The following HECW1 variants were observed in gnomAD, a reference collection of about 807,000 sequenced individuals.
The protein encoded by HECW1 is E3 ubiquitin-protein ligase HECW1.
A neutral mutation model predicts 182.3 loss-of-function variants in HECW1; 61 were observed. That is an observed-to-expected ratio of 0.33 (90% CI 0.27 to 0.41). HECW1 has a LOEUF of 0.41. HECW1 is among the 10% of genes least tolerant of loss of function. The pLI, the probability that HECW1 is intolerant of heterozygous loss-of-function variation, is 1.00. For synonymous variants in HECW1, 859 were observed against 832.6 expected, an observed-to-expected ratio of 1.03 and a Z score of -0.55; for missense variants, 1,739 against 2,108.9, an observed-to-expected ratio of 0.82 and a Z score of 3.44.
intron 4 of HECW1, among the ~76,000 whole-genome samples, chr7:43,313,301 A>G (rs1308840896): frequency 1.3e-5 from 2 of 151,900 alleles, no homozygotes; most frequent in Non-Finnish European, 2.9e-5. Context: ...GATACTATAG[A>G]TTAAGAACAG....
intron 24 of HECW1, among the ~76,000 whole-genome samples, chr7:43,520,342 C>T (rs2080400904): frequency 1.3e-5 from 2 of 152,148 alleles, no homozygotes; most frequent in South Asian, 2.1e-4. Flanking sequence ...AGTCTGGACT[C>T]CTCGGATTCT....
chr7:43,444,297 C>T lies in HECW1; in HGVS notation c.1125C>T (p.Ser375=), dbSNP rs897899632. The T allele has an allele frequency of 7.4e-6, 12 of 1,614,044 alleles. No homozygotes were observed. The highest frequency in any genetic ancestry group is 1.0e-5 in the Non-Finnish European group (12 of 1,180,034). ...QDSPMNNLME[S]GSGEPRSEAP... is the part of the protein sequence containing the mutation. ...GCCCCATGAACAACCTGATGGAAAG[C>T]GGCAGTGGGGAACCTCGGTCTGAGG... Residue 375 remains serine, a synonymous_variant, in exon 11 of 30, where the codon AGC becomes AGT. Transcript: ENST00000395891. This position sits in a 1 kb window ranked among gnomAD's most constrained non-coding sequence, Gnocchi z 4.3.
intron 27 of HECW1, among the ~76,000 whole-genome samples, chr7:43,550,799 G>C (rs1291789237): frequency 6.6e-6 from 1 of 152,188 alleles, no homozygotes; most frequent in Non-Finnish European, 1.5e-5. Context: ...AGAGTTCTCT[G>C]GGAAACTCAA....
chr7:43,460,763 T>A (rs998507227), intron 13 of HECW1, among the ~76,000 whole-genome samples: 1 of 152,222 alleles, frequency 6.6e-6, no homozygotes, highest in African/African-American at 2.4e-5. Flanking sequence ...GCTGCAGTCC[T>A]GCCCTGAAAG....
intron 2 of HECW1, among the ~76,000 whole-genome samples, chr7:43,122,956 T>C (rs1026058782): frequency 1.2e-4 from 18 of 152,234 alleles, no homozygotes; most frequent in African/African-American, 4.1e-4. Context: ...GTGAAAAGCA[T>C]TTCGGTTCTT....
At chr7:43,509,304 A>T (rs1215346620) in intron 24 of HECW1, 183 bp downstream of exon 24, 2 of 530,004 alleles carry the variant, frequency 3.8e-6, no homozygotes, top group Non-Finnish European at 3.2e-6. Flanking sequence ...CACAAGATGG[A>T]TTTACCAAGG....
chr7:43,219,442 C>T (rs1796756515), intron 2 of HECW1, among the ~76,000 whole-genome samples: 3 of 152,144 alleles, frequency 2.0e-5, no homozygotes, highest in East Asian at 1.9e-4. Context: ...CCTCCGATAC[C>T]GAGCTAAAGA....
intron 11 of HECW1, among the ~76,000 whole-genome samples, chr7:43,447,340 G>C (rs185517002): frequency 3.3e-4 from 51 of 152,242 alleles, no homozygotes; most frequent in Middle Eastern, 6.8e-3. Context: ...AAACAAAAAA[G>C]TCACATCCTT....
chr7:43,120,941 C>A (rs551865626), intron 2 of HECW1, among the ~76,000 whole-genome samples: 1 of 152,094 alleles, frequency 6.6e-6, no homozygotes, highest in African/African-American at 2.4e-5. Flanking sequence ...TGTGAGCCAC[C>A]ACGCCTGGGC....
At chr7:43,476,547 T>A (rs1460311972) in intron 16 of HECW1, among the ~76,000 whole-genome samples, 1 of 152,070 alleles carries the variant, frequency 6.6e-6, no homozygotes, top group African/African-American at 2.4e-5. Context: ...GACAAGAATA[T>A]GTAAGAAAAT....
chr7:43,213,456 T>G (rs916181495), intron 2 of HECW1, among the ~76,000 whole-genome samples: 1 of 147,770 alleles, frequency 6.8e-6, no homozygotes, highest in Non-Finnish European at 1.5e-5. Flanking sequence ...TTTTTTTTTT[T>G]TTTTTTTGAG....
intron 5 of HECW1, among the ~76,000 whole-genome samples, chr7:43,346,697 T>C (rs565600301): frequency 1.0e-3 from 155 of 152,310 alleles, no homozygotes; most frequent in Non-Finnish European, 1.2e-3. Context: ...TCCAGTTTCA[T>C]TCTCCTACAT....
chr7:43,184,290 G>C (rs1163900854), intron 2 of HECW1, among the ~76,000 whole-genome samples: 1 of 152,196 alleles, frequency 6.6e-6, no homozygotes, highest in Non-Finnish European at 1.5e-5. Flanking sequence ...TGGGATTACA[G>C]GCGTGAGCCA....
intron 5 of HECW1, among the ~76,000 whole-genome samples, chr7:43,347,267 ATTT>A (rs58042420): frequency 1.5e-4 from 22 of 151,210 alleles, no homozygotes; most frequent in East Asian, 5.9e-4. Context: ...ATTTAATTTA[ATTT>A]TTTTTTTTGC....
chr7:43,360,992 T>G lies in HECW1; in HGVS notation c.555+12T>G. 1.9e-6 allele frequency: 3 copies of G among 1,592,790 alleles called. No individual in the cohort carries two copies. The highest frequency in any genetic ancestry group is 1.1e-5 in the South Asian group (1 of 88,500). On this transcript the variant is annotated intron_variant, in intron 6 of 29. Coordinates refer to ENST00000395891, the MANE Select transcript of HECW1 (RefSeq NM_015052.5). ...ACTCGGCAGCTCCTGTAAGTCTCAT[T>G]TCTCCGTCTTTGGTTAGACCTAACT...
intron 6 of HECW1, among the ~76,000 whole-genome samples, chr7:43,388,927 C>A (rs2074910276): frequency 6.6e-6 from 1 of 152,178 alleles, no homozygotes; most frequent in Non-Finnish European, 1.5e-5. Flanking sequence ...GATGATGACC[C>A]CTTCACAGGC....
chr7:43,210,865 G>A (rs1313714478), intron 2 of HECW1, among the ~76,000 whole-genome samples: 2 of 152,200 alleles, frequency 1.3e-5, no homozygotes, highest in East Asian at 1.9e-4. Context: ...AATGGTGGAC[G>A]GCGAGCGAAA....
At chr7:43,254,443 G>A (rs1424235952) in intron 3 of HECW1, among the ~76,000 whole-genome samples, 1 of 152,208 alleles carries the variant, frequency 6.6e-6, no homozygotes, top group Non-Finnish European at 1.5e-5. Context: ...ATGCCAGGTG[G>A]CATGGTTCCA....
At chr7:43,297,772 TA>T (rs922039832) in intron 3 of HECW1, among the ~76,000 whole-genome samples, 14 of 151,476 alleles carry the variant, frequency 9.2e-5, no homozygotes, top group Non-Finnish European at 1.8e-4. Context: ...GTGATTTTTC[TA>T]AAAAAAAACT....
Sources: gnomAD v4.1 joint callset for allele counts (sites outside exome capture counted in the v4.1 genomes callset) on GRCh38, gnomAD v4.1.1 for gene constraint, Gnocchi (gnomAD v3.1) non-coding constraint, MANE v1.5 for transcripts, NCBI Gene and HGNC (gene_info 2026-07-23, HGNC 2026-07-21) for gene names.